Variants in PPIL2 observed in about 807,000 individuals in gnomAD.
The protein encoded by PPIL2 is peptidylprolyl isomerase like 2, also known as RING-type E3 ubiquitin-protein ligase PPIL2.
Under a neutral mutation model 75.2 loss-of-function variants are expected in PPIL2, and 50 were observed. The ratio of observed to expected loss-of-function variants is 0.66; its 90% CI spans 0.53 to 0.84. The LOEUF (loss-of-function observed/expected upper bound fraction) is 0.84. Among genes scored for constraint, PPIL2 ranks in the 40% least tolerant of loss-of-function variants. PPIL2 has a pLI of 0.00. For synonymous variants in PPIL2, 245 were observed against 258.8 expected (o/e 0.95, Z 0.51); for missense variants, 590 against 685.0 (o/e 0.86, Z 1.55).
At position 21,697,844 on chromosome 22, in the gene PPIL2, A is replaced by G. The variant is rs373768950; in HGVS notation, c.*2354A>G. 2.6e-5 allele frequency: 4 copies of G among 152,498 alleles called. No individual in the cohort carries two copies. Among genetic ancestry groups the G allele is most frequent in the Non-Finnish European group, 1.5e-5 (1 of 68,032 alleles). 9.4% of individuals were successfully genotyped at this position (152,498 alleles called of 1,614,324 possible). On this transcript the variant is annotated 3_prime_UTR_variant, in exon 20 of 20. Transcript: ENST00000398831. Reference sequence around the variant, plus strand: ...CTTAATTTGTAGTTTTTTAGCTATTAAAACCATTTGAATTTTTAACGACCT... The same window carrying G: ...CTTAATTTGTAGTTTTTTAGCTATTGAAACCATTTGAATTTTTAACGACCT...
At position 21,676,228 on chromosome 22, in the gene PPIL2, C is replaced by T. The variant is rs942075754; in HGVS notation, c.295+1113C>T. 2.1e-5 allele frequency among the ~76,000 whole-genome samples: 3 copies of T among 144,070 alleles called. No individual in the cohort carries two copies. The East Asian group carries it at 5.9e-4, about 28-fold the overall frequency. The allele number at this position is 144,070 out of a possible 152,430, so 94.5% of individuals were successfully genotyped here. Reference sequence around the variant, plus strand: ...TGGTGGCCGAGGGTGGGCTGCCTCCCCTCCTGTGATCAGCAGTGTGTGTGT... The same window carrying T: ...TGGTGGCCGAGGGTGGGCTGCCTCCTCTCCTGTGATCAGCAGTGTGTGTGT... On this transcript the variant is annotated intron_variant, in intron 6 of 19. Coordinates refer to ENST00000398831, the MANE Select transcript of PPIL2 (RefSeq NM_014337.4).
chr22:21,693,829 C>A lies in PPIL2; in HGVS notation c.1153C>A (p.Arg385Ser). The A allele has an allele frequency of 6.5e-7, 1 of 1,544,344 alleles. No homozygotes were observed. The highest frequency in any genetic ancestry group is 9.0e-7 in the Non-Finnish European group (1 of 1,116,506). ...CCTCCTCCCCAGCTTCATCACGTTTCGCTCCTGTGCCTACCTGGACAAGAA... is the reference window on the plus strand; with the variant it reads ...CCTCCTCCCCAGCTTCATCACGTTTAGCTCCTGTGCCTACCTGGACAAGAA... ...SNRSQFFITF[R>S]SCAYLDKKHT... Residue 385 changes from arginine (R) to serine (S), a missense_variant, in exon 16 of 20, where the codon CGC becomes AGC. Arg to Ser is a moderately radical substitution (Grantham distance 110). Coordinates refer to ENST00000398831, the MANE Select transcript of PPIL2 (RefSeq NM_014337.4).
In PPIL2 at chr22:21,696,858, T is replaced by TCTGC. The variant is rs753169418; in HGVS notation, c.*1371_*1374dup. 6.3e-7 allele frequency: 1 copy of TCTGC among 1,582,152 alleles called. No homozygotes were observed. The highest frequency in any genetic ancestry group is 8.6e-7 in the Non-Finnish European group (1 of 1,164,736). ...TGCTGGGTGGCGCCTCATCTGCATC[T>TCTGC]CTGCCTCACCCCATCCACTGCCACA... On this transcript the variant is annotated 3_prime_UTR_variant, in exon 20 of 20. Coordinates refer to ENST00000398831, the MANE Select transcript of PPIL2 (RefSeq NM_014337.4).
chr22:21,676,907 G>A (rs2066884906), intron 6 of PPIL2, among the ~76,000 whole-genome samples: 1 of 152,178 alleles, frequency 6.6e-6, no homozygotes, highest in Non-Finnish European at 1.5e-5. Context: ...CCGGGCAGAG[G>A]GGCTCCTCAC....
intron 6 of PPIL2, among the ~76,000 whole-genome samples, chr22:21,680,597 A>C (rs1428368080): frequency 6.6e-6 from 1 of 151,820 alleles, no homozygotes; most frequent in East Asian, 1.9e-4. Flanking sequence ...TGGGAGGCCG[A>C]GGTGGGCAGA....
intron 5 of PPIL2, among the ~76,000 whole-genome samples, chr22:21,673,223 T>C (rs1433828545): frequency 6.6e-6 from 1 of 152,216 alleles, no homozygotes; most frequent in Non-Finnish European, 1.5e-5. Flanking sequence ...GAAGACTGTT[T>C]CTGTGATGTC....
At position 21,684,927 on chromosome 22, in the gene PPIL2, G is replaced by T; in HGVS notation, c.714+14G>T. Reference sequence around the variant, plus strand: ...AAGCTGAACGCTGTGAGTGGCGGAGGGCACTCGGCCAAGCCCAAGCCCCGT... The same window carrying T: ...AAGCTGAACGCTGTGAGTGGCGGAGTGCACTCGGCCAAGCCCAAGCCCCGT... On this transcript the variant is annotated intron_variant, in intron 10 of 19. Coordinates refer to ENST00000398831, the MANE Select transcript of PPIL2 (RefSeq NM_014337.4). 6.2e-7 allele frequency: 1 copy of T among 1,612,764 alleles called. No individual in the cohort carries two copies. The highest frequency in any genetic ancestry group is 1.1e-5 in the South Asian group (1 of 91,044).
chr22:21,694,545 G>GGC (rs2067830984), intron 16 of PPIL2, 48 bp from the exon 17 acceptor site: 1 of 1,604,490 alleles, frequency 6.2e-7, no homozygotes, highest in Non-Finnish European at 8.5e-7. Context: ...AGCCGTGGGG[G>GGC]TGCCCTCCTT....
chr22:21,678,326 G>A (rs1409509322), intron 6 of PPIL2, among the ~76,000 whole-genome samples: 1 of 152,058 alleles, frequency 6.6e-6, no homozygotes, highest in Non-Finnish European at 1.5e-5. Context: ...CTGCCTCCTG[G>A]GCTCAAGAGA....
At position 21,695,543 on chromosome 22, in the gene PPIL2, G is replaced by T. The variant is rs1231866372; in HGVS notation, c.*53G>T. 11 of 1,554,390 alleles carry T rather than the reference G, an allele frequency of 7.1e-6. No homozygotes were observed. The highest frequency in any genetic ancestry group is 7.8e-6 in the Non-Finnish European group (9 of 1,149,036). ...TGGGGTTGCAGGGCTGGGGGCCCAT[G>T]TCCACATCTCCATTTCCAGCCTTTC... On this transcript the variant is annotated 3_prime_UTR_variant, in exon 20 of 20. Coordinates refer to ENST00000398831, the MANE Select transcript of PPIL2 (RefSeq NM_014337.4).
chr22:21,667,708 C>G (rs2066448320), intron 1 of PPIL2, among the ~76,000 whole-genome samples: 1 of 151,422 alleles, frequency 6.6e-6, no homozygotes, highest in Non-Finnish European at 1.5e-5. Flanking sequence ...TTTCCCCAGT[C>G]TTGTGTAGTT....
At chr22:21,676,225 T>A (rs1457999042) in intron 6 of PPIL2, among the ~76,000 whole-genome samples, 1 of 149,862 alleles carries the variant, frequency 6.7e-6, no homozygotes, top group Non-Finnish European at 1.5e-5. Context: ...GTGGGCTGCC[T>A]CCCCTCCTGT....
chr22:21,674,538 A>G (rs1393993288), intron 5 of PPIL2, among the ~76,000 whole-genome samples: 2 of 152,126 alleles, frequency 1.3e-5, no homozygotes, highest in Admixed American at 6.6e-5. Flanking sequence ...TGGGCAGATC[A>G]TGAGGTCAGG....
At chr22:21,686,851 CAGGGTG>C in intron 11 of PPIL2, 35 bp from the exon 12 acceptor site, 2 of 1,575,762 alleles carry the variant, frequency 1.3e-6, no homozygotes, top group Non-Finnish European at 1.7e-6. Flanking sequence ...GGGGCTGCCC[CAGGGTG>C]AGGGCAGGGG....
rs1358494687 is a variant in PPIL2, at chr22:21,695,425, A to G, written c.1498A>G (p.Ser500Gly). 2 of 1,610,390 alleles carry G rather than the reference A, an allele frequency of 1.2e-6. No homozygotes were observed. Among genetic ancestry groups the G allele is most frequent in the Non-Finnish European group, 1.7e-6 (2 of 1,178,458 alleles). Residue 500 changes from serine (S) to glycine (G), a missense_variant, in exon 20 of 20, where the codon AGT (serine) becomes GGT (glycine). Transcript: ENST00000398831. ...AGCAGCAGAGGAAGAGCCCTCAACC[A>G]GTGCCACTGTCCCCATGTCCAAGAA... ...KRAAEEEPST[S>G]ATVPMSKKKP...
At position 21,670,590 on chromosome 22, in the gene PPIL2, G is replaced by A. The variant is rs756285545; in HGVS notation, c.107G>A (p.Arg36His). ...KPDLPQTNFR[R>H]LPFDHCSLSL... ...GATCTCCCACAAACAAATTTTCGTC[G>A]TTTACCTTTTGACCACTGCAGGTAA... is the stretch of plus-strand genomic sequence containing the variant. The change falls in exon 3 of 20, where the codon CGT becomes CAT. Residue 36 changes from arginine (R) to histidine (H), a missense_variant. Transcript: ENST00000398831. The A allele has an allele frequency of 1.6e-5, 26 of 1,611,384 alleles. No individual in the cohort carries two copies. The highest frequency in any genetic ancestry group is 1.3e-4 in the Admixed American group (8 of 59,962).
At chr22:21,684,969 T>C in intron 10 of PPIL2, 56 bp downstream of exon 10, 1 of 1,598,230 alleles carries the variant, frequency 6.3e-7, no homozygotes, top group Non-Finnish European at 8.5e-7. Flanking sequence ...GCCCATCTCA[T>C]GGCCTCTTGG....
chr22:21,682,606 C>T (rs1056920094), intron 8 of PPIL2, 80 bp downstream of exon 8: 35 of 711,464 alleles, frequency 4.9e-5, no homozygotes, highest in South Asian at 1.3e-4. Flanking sequence ...CCTACCCCCA[C>T]GTCAGGGCCC....
intron 15 of PPIL2, among the ~76,000 whole-genome samples, chr22:21,689,412 G>A (rs1181439916): frequency 1.3e-5 from 2 of 152,216 alleles, no homozygotes; most frequent in African/African-American, 4.8e-5. Flanking sequence ...TTCTTCACAT[G>A]GGTCCTGTGA....
Sources: allele counts gnomAD v4.1 joint callset (sites outside exome capture counted in the v4.1 genomes callset), GRCh38; gene constraint gnomAD v4.1.1; transcripts MANE v1.5; gene names NCBI Gene and HGNC (gene_info 2026-07-23, HGNC 2026-07-21).